The following GABRB3 variants were observed in gnomAD, a reference collection of about 807,000 sequenced individuals.
GABRB3 encodes the protein gamma-aminobutyric acid receptor subunit beta-3.
GABRB3 carries 14 observed loss-of-function variants against 52.1 expected under a neutral mutation model. That is an observed-to-expected ratio of 0.27 (90% CI 0.18 to 0.42). GABRB3 has a LOEUF of 0.42. GABRB3 is among the 10% of genes least tolerant of loss of function. The probability of loss-of-function intolerance (pLI) is 1.00; values close to 1 mark genes in which losing one functional copy is unlikely to be tolerated. For missense variants in GABRB3, 307 were observed against 609.1 expected (o/e 0.50, Z 5.22); for synonymous variants, 260 against 232.3 (o/e 1.12, Z -1.08).
chr15:26,572,313 G>A (rs1238730739), intron 6 of GABRB3, among the ~76,000 whole-genome samples: 1 of 152,204 alleles, frequency 6.6e-6, no homozygotes, highest in African/African-American at 2.4e-5. Flanking sequence ...ACGCCTAAGT[G>A]ATTTAGGAGA....
intron 3 of GABRB3, among the ~76,000 whole-genome samples, chr15:26,634,004 T>C (rs1304458100): frequency 6.6e-6 from 1 of 152,200 alleles, no homozygotes; most frequent in Non-Finnish European, 1.5e-5. Flanking sequence ...CTCCTCCATA[T>C]AAGGAACATT....
intron 3 of GABRB3, among the ~76,000 whole-genome samples, chr15:26,749,216 G>A (rs1450866620): frequency 3.3e-5 from 5 of 151,584 alleles, no homozygotes; most frequent in Non-Finnish European, 5.9e-5. Context: ...TTGATATGCT[G>A]CATTTTCATT....
At chr15:26,557,205 A>G (rs1244311136) in intron 8 of GABRB3, among the ~76,000 whole-genome samples, 1 of 152,186 alleles carries the variant, frequency 6.6e-6, no homozygotes, top group African/African-American at 2.4e-5. Flanking sequence ...GTTCTCACTT[A>G]TAAGTAGGAG....
At chr15:26,617,081 A>G (rs201627832) in intron 4 of GABRB3, among the ~76,000 whole-genome samples, 39 of 150,210 alleles carry the variant, frequency 2.6e-4, no homozygotes, top group South Asian at 1.3e-3. Flanking sequence ...AAATTGTGGC[A>G]ATAATCAATA....
At chr15:26,634,917 C>A (rs562270302) in intron 3 of GABRB3, among the ~76,000 whole-genome samples, 1 of 140,260 alleles carries the variant, frequency 7.1e-6, no homozygotes, top group African/African-American at 2.6e-5. Context: ...ATATCTCTCT[C>A]CAAATATTAG....
intron 3 of GABRB3, among the ~76,000 whole-genome samples, chr15:26,697,885 C>T (rs1441302301): frequency 1.3e-5 from 2 of 152,160 alleles, no homozygotes; most frequent in East Asian, 1.9e-4. Flanking sequence ...AGCAGAACTC[C>T]GGGCTCTTAT....
chr15:26,688,654 C>T (rs1364001744), intron 3 of GABRB3, among the ~76,000 whole-genome samples: 1 of 152,182 alleles, frequency 6.6e-6, no homozygotes, highest in Non-Finnish European at 1.5e-5. Context: ...TTCAACCATA[C>T]TGGATAAAGG....
chr15:26,601,430 A>C (rs1284170045), intron 4 of GABRB3, among the ~76,000 whole-genome samples: 1 of 152,068 alleles, frequency 6.6e-6, no homozygotes, highest in African/African-American at 2.4e-5. Context: ...AAAAAATTGA[A>C]AGGATTCAAG....
Position 26,605,775 on chromosome 15 carries a change from G to T in GABRB3, c.461+15539C>A, listed in dbSNP as rs144388515. ...CTAGAAGGATGGTAAGTGTAGTGGGGGTACAGGGAGACAGAGAACAGGTGG... is the reference window on the plus strand; with the variant it reads ...CTAGAAGGATGGTAAGTGTAGTGGGTGTACAGGGAGACAGAGAACAGGTGG... On this transcript the variant is annotated intron_variant, in intron 4 of 8. Coordinates refer to ENST00000311550, the MANE Select transcript of GABRB3 (RefSeq NM_000814.6). Among the ~76,000 whole-genome samples, 739 of 152,150 alleles carry T rather than the reference G, an allele frequency of 4.9e-3. 7 individuals carry two copies. Among genetic ancestry groups the T allele is most frequent in the African/African-American group, 0.017 (714 of 41,498 alleles).
chr15:26,696,141 G>A (rs1222203675), intron 3 of GABRB3, among the ~76,000 whole-genome samples: 1 of 152,118 alleles, frequency 6.6e-6, no homozygotes, highest in Non-Finnish European at 1.5e-5. Context: ...AGGAATCTAG[G>A]TTATAAACAT....
intron 3 of GABRB3, chr15:26,629,176 C>G (rs981960457): frequency 3.4e-6 from 5 of 1,481,980 alleles, no homozygotes; most frequent in Non-Finnish European, 4.5e-6. Flanking sequence ...AAGCAGCTCC[C>G]GGGAGACGGA....
chr15:26,721,064 G>A (rs893788511), intron 3 of GABRB3, among the ~76,000 whole-genome samples: 3 of 152,132 alleles, frequency 2.0e-5, no homozygotes, highest in East Asian at 3.9e-4. Context: ...TCCGCCCAGG[G>A]GTCCCCACAA....
intron 5 of GABRB3, 62 bp from the exon 6 acceptor site, chr15:26,580,518 T>C (rs192249764): frequency 1.9e-6 from 3 of 1,602,790 alleles, no homozygotes; most frequent in African/African-American, 2.7e-5. Context: ...CACGGCTAAA[T>C]AAACTATCAT....
Position 26,583,405 on chromosome 15 carries a change from C to T in GABRB3, c.471G>A (p.Thr157=), listed in dbSNP as rs143528720. The part of the protein sequence containing the change: ...GTVLYGLRIT[T]TAACMMDLRR... Reference sequence around the variant, plus strand: ...TGAGGTCCATCATGCATGCTGCTGTCGTGGTGATTCTGAAATACACAGGGT... The same window carrying T: ...TGAGGTCCATCATGCATGCTGCTGTTGTGGTGATTCTGAAATACACAGGGT... Residue 157 remains threonine (T), a synonymous_variant, in exon 5 of 9, where the codon ACG becomes ACA. Coordinates refer to ENST00000311550, the MANE Select transcript of GABRB3 (RefSeq NM_000814.6). 5.3e-5 allele frequency: 85 copies of T among 1,613,496 alleles called. No homozygotes were observed. Among genetic ancestry groups the T allele is most frequent in the Non-Finnish European group, 6.8e-5 (80 of 1,179,662 alleles).
chr15:26,555,287 G>A (rs1889710850), intron 8 of GABRB3, among the ~76,000 whole-genome samples: 1 of 152,184 alleles, frequency 6.6e-6, no homozygotes, highest in Admixed American at 6.5e-5. Context: ...AGGCATTCTA[G>A]GTAGAGAGGA....
intron 3 of GABRB3, among the ~76,000 whole-genome samples, chr15:26,724,102 T>C (rs916464145): frequency 2.0e-5 from 3 of 152,192 alleles, no homozygotes; most frequent in Non-Finnish European, 4.4e-5. Context: ...CATATTCATT[T>C]TTTGTTACTT....
chr15:26,566,012 T>C (rs150221365), intron 7 of GABRB3, among the ~76,000 whole-genome samples: 146 of 152,272 alleles, frequency 9.6e-4, no homozygotes, highest in South Asian at 3.7e-3. Flanking sequence ...ATTTTCCAAG[T>C]GAAAAAAGAG....
At chr15:26,606,932 G>C (rs1336545653) in intron 4 of GABRB3, among the ~76,000 whole-genome samples, 1 of 151,778 alleles carries the variant, frequency 6.6e-6, no homozygotes, top group Non-Finnish European at 1.5e-5. Context: ...TAGCTTAATA[G>C]TCACACAAAA....
At chr15:26,631,737 T>C (rs1373241181) in intron 3 of GABRB3, among the ~76,000 whole-genome samples, 1 of 152,248 alleles carries the variant, frequency 6.6e-6, no homozygotes, top group African/African-American at 2.4e-5. Flanking sequence ...TTCCGTTTAA[T>C]GACCAAAAAC....
Sources: allele counts gnomAD v4.1 joint callset (sites outside exome capture counted in the v4.1 genomes callset), GRCh38; gene constraint gnomAD v4.1.1; transcripts MANE v1.5; gene names NCBI Gene and HGNC (gene_info 2026-07-23, HGNC 2026-07-21).